Variants in ADK observed in about 807,000 individuals in gnomAD.
The protein encoded by ADK is N6,N6-dimethyladenosine kinase.
ADK carries 24 observed loss-of-function variants against 44.7 expected under a neutral mutation model. The ratio of observed to expected loss-of-function variants is 0.54; its 90% CI spans 0.39 to 0.76. ADK has a LOEUF of 0.76. Ranked by LOEUF, ADK falls within the 30% of genes least tolerant of loss-of-function variation. ADK has a pLI of 0.00. For synonymous variants in ADK, 128 were observed against 142.6 expected (o/e 0.90, Z 0.73); for missense variants, 321 against 425.1 (o/e 0.76, Z 2.15).
intron 7 of ADK, among the ~76,000 whole-genome samples, chr10:74,553,190 G>GTGTTTT (rs1850097157): frequency 1.7e-5 from 1 of 60,438 alleles, no homozygotes; most frequent in Non-Finnish European, 3.0e-5. Context: ...AGCACATTGT[G>GTGTTTT]TTTTTTTTTT....
At chr10:74,239,968 A>G (rs1294125789) in intron 3 of ADK, among the ~76,000 whole-genome samples, 4 of 151,968 alleles carry the variant, frequency 2.6e-5, no homozygotes, top group African/African-American at 7.2e-5. Flanking sequence ...AACTTTCATA[A>G]ATCTGAATGT....
chr10:74,163,126 C>T (rs1841949617), intron 1 of ADK, among the ~76,000 whole-genome samples: 3 of 152,098 alleles, frequency 2.0e-5, no homozygotes, highest in Non-Finnish European at 4.4e-5. Flanking sequence ...GCTACCACAC[C>T]TGGCTAATTT....
intron 5 of ADK, among the ~76,000 whole-genome samples, chr10:74,396,880 C>T (rs192473007): frequency 9.0e-4 from 137 of 151,732 alleles, no homozygotes; most frequent in Non-Finnish European, 1.5e-3. Flanking sequence ...TGCTTGAACC[C>T]GGAGGCGGAG....
At chr10:74,695,618 GGGTGTGTGT>G (rs1564856848) in intron 10 of ADK, among the ~76,000 whole-genome samples, 12 of 106,836 alleles carry the variant, frequency 1.1e-4, no homozygotes, top group African/African-American at 4.2e-4. Flanking sequence ...TGTATGTGTG[GGGTGTGTGT>G]GTGTGTGTGT....
rs1004395012 is a variant in ADK at position 74,678,634 on chromosome 10, G to A, written c.964+8365G>A. ...CTATCAGACTCCAAAGCTCAGATGT[G>A]AAACTTAGGTTTCTTATATTTGATG... On this transcript the variant is annotated intron_variant, in intron 10 of 10. Coordinates refer to ENST00000539909, the MANE Select transcript of ADK (RefSeq NM_006721.4). Among the ~76,000 whole-genome samples, 4 of 152,168 alleles carry A rather than the reference G, an allele frequency of 2.6e-5. No individual in the cohort carries two copies. In the East Asian group the frequency reaches 7.7e-4, roughly 29 times the overall value.
intron 9 of ADK, among the ~76,000 whole-genome samples, chr10:74,649,874 G>C (rs758910712): frequency 6.6e-6 from 1 of 152,102 alleles, no homozygotes; most frequent in Non-Finnish European, 1.5e-5. Context: ...TTGTCCCCAT[G>C]ACTTTCCTGA....
intron 7 of ADK, among the ~76,000 whole-genome samples, chr10:74,548,800 T>G (rs922841575): frequency 3.3e-5 from 5 of 152,206 alleles, no homozygotes; most frequent in Admixed American, 3.3e-4. Flanking sequence ...TCAATAAATA[T>G]TTGTTGAACG....
chr10:74,182,679 C>G (rs1239401401), intron 1 of ADK, among the ~76,000 whole-genome samples: 1 of 152,126 alleles, frequency 6.6e-6, no homozygotes, highest in Non-Finnish European at 1.5e-5. Context: ...CTTTTATGTG[C>G]AACGTTGTCA....
intron 3 of ADK, among the ~76,000 whole-genome samples, chr10:74,259,337 T>A (rs535983350): frequency 6.6e-6 from 1 of 152,084 alleles, no homozygotes; most frequent in East Asian, 1.9e-4. Context: ...TGATTAGATA[T>A]AATTAACTCA....
At chr10:74,349,388 C>T (rs982453900) in intron 4 of ADK, among the ~76,000 whole-genome samples, 43 of 152,126 alleles carry the variant, frequency 2.8e-4, no homozygotes, top group African/African-American at 9.7e-4. Flanking sequence ...ACCACCAGGC[C>T]TGCCTTACAA....
At chr10:74,178,461 T>C (rs10824097) in intron 1 of ADK, among the ~76,000 whole-genome samples, 10,756 of 152,242 alleles carry the variant, frequency 0.071, 1,306 homozygotes, top group African/African-American at 0.24. Context: ...CCCACTCTTA[T>C]TATCACAGAA....
At chr10:74,466,471 C>A (rs1450990193) in intron 6 of ADK, among the ~76,000 whole-genome samples, 3 of 151,992 alleles carry the variant, frequency 2.0e-5, no homozygotes, top group Non-Finnish European at 2.9e-5. Flanking sequence ...GTTTTAAATT[C>A]GAATCTGAAA....
intron 1 of ADK, among the ~76,000 whole-genome samples, chr10:74,155,830 C>T (rs528805417): frequency 3.3e-5 from 5 of 152,286 alleles, no homozygotes; most frequent in African/African-American, 7.2e-5. Context: ...CCGTGCCCGG[C>T]GACCCTATAC....
At chr10:74,350,125 A>G (rs1841915751) in intron 4 of ADK, among the ~76,000 whole-genome samples, 1 of 152,228 alleles carries the variant, frequency 6.6e-6, no homozygotes, top group Non-Finnish European at 1.5e-5. Flanking sequence ...TCTTCTCAGC[A>G]GCACATGGCA....
At chr10:74,656,575 G>A (rs1854496252) in intron 9 of ADK, among the ~76,000 whole-genome samples, 1 of 152,070 alleles carries the variant, frequency 6.6e-6, no homozygotes. Context: ...GATTGAGTCT[G>A]AGACTTAAGC....
chr10:74,559,224 C>T (rs1180029781), intron 7 of ADK, among the ~76,000 whole-genome samples: 5 of 152,114 alleles, frequency 3.3e-5, no homozygotes, highest in Non-Finnish European at 5.9e-5. Flanking sequence ...GGCCCAGCTG[C>T]CCAGGCATGG....
At chr10:74,287,992 A>G in intron 3 of ADK, among the ~76,000 whole-genome samples, 1 of 151,784 alleles carries the variant, frequency 6.6e-6, no homozygotes, top group East Asian at 1.9e-4. Flanking sequence ...CAAAAAAAAA[A>G]AAAAAAAAAG....
chr10:74,621,691 G>A (rs547439143), intron 9 of ADK, among the ~76,000 whole-genome samples: 1 of 151,816 alleles, frequency 6.6e-6, no homozygotes, highest in Non-Finnish European at 1.5e-5. Flanking sequence ...GTTTTTGTTC[G>A]GTTTGGTTTC....
At chr10:74,393,034 T>C (rs1843391130) in intron 4 of ADK, among the ~76,000 whole-genome samples, 1 of 152,094 alleles carries the variant, frequency 6.6e-6, no homozygotes, top group African/African-American at 2.4e-5. Flanking sequence ...ATATATGTGT[T>C]GTTTTATATT....
Sources: gnomAD v4.1 joint callset for allele counts (sites outside exome capture counted in the v4.1 genomes callset) on GRCh38, gnomAD v4.1.1 for gene constraint, MANE v1.5 for transcripts, NCBI Gene and HGNC (gene_info 2026-07-23, HGNC 2026-07-21) for gene names.